The following ELL2 variants were observed in gnomAD, a reference collection of about 807,000 sequenced individuals.
ELL2 encodes elongation factor for RNA polymerase II 2, also known as RNA polymerase II elongation factor ELL2.
A neutral mutation model predicts 72.8 loss-of-function variants in ELL2; 21 were observed. The ratio of observed to expected loss-of-function variants is 0.29; its 90% confidence interval spans 0.20 to 0.42. ELL2 has a LOEUF of 0.42. Among genes scored for constraint, ELL2 ranks in the 10% least tolerant of loss-of-function variants. The probability of loss-of-function intolerance (pLI) is 1.00; values close to 1 mark genes in which losing one functional copy is unlikely to be tolerated. For synonymous variants in ELL2, 266 were observed against 283.2 expected (o/e 0.94, Z 0.61); for missense variants, 568 against 772.8 (o/e 0.73, Z 3.14).
intron 5 of ELL2, among the ~76,000 whole-genome samples, chr5:95,904,505 A>C (rs1749271829): frequency 6.6e-6 from 1 of 152,218 alleles, no homozygotes; most frequent in East Asian, 1.9e-4. Flanking sequence ...TTTAGGTACA[A>C]ATTTTACCGG....
At chr5:95,942,831 T>C (rs967983533) in intron 2 of ELL2, 171 bp downstream of exon 2, 8 of 384,826 alleles carry the variant, frequency 2.1e-5, no homozygotes, top group African/African-American at 1.7e-4. Context: ...AGTAAGTTAA[T>C]AAAATAAGAT....
Position 95,907,296 on chromosome 5 carries a change from A to ATATTTTTTTTTTTTTTTTT in ELL2, c.482-515_482-514insAAAAAAAAAAAAAAAAATA. 7.0e-4 allele frequency among the ~76,000 whole-genome samples: 81 copies of ATATTTTTTTTTTTTTTTTT among 116,432 alleles called. 1 individual carries two copies. The highest frequency in any genetic ancestry group is 3.1e-3 in the African/African-American group (77 of 24,468). The allele number at this position is 116,432 out of a possible 152,430, so 76.4% of individuals were successfully genotyped here. On this transcript the variant is annotated intron_variant, in intron 4 of 11. Coordinates refer to ENST00000237853, the MANE Select transcript of ELL2 (RefSeq NM_012081.6). ...GTTAGTGATATATATATATATATAT[A>ATATTTTTTTTTTTTTTTTT]TTTTTTTTTTTTACAGGCCAAGACA... is the stretch of plus-strand genomic sequence containing the variant.
At chr5:95,959,071 T>C (rs1448297417) in intron 1 of ELL2, among the ~76,000 whole-genome samples, 6 of 152,092 alleles carry the variant, frequency 3.9e-5, no homozygotes, top group Non-Finnish European at 7.4e-5. Flanking sequence ...ATGAAGGCCA[T>C]ACAAAGGTAG....
At chr5:95,961,510 C>A (rs1751852457) in intron 1 of ELL2, 65 bp downstream of exon 1, 1 of 1,379,352 alleles carries the variant, frequency 7.2e-7, no homozygotes, top group Non-Finnish European at 9.4e-7. Flanking sequence ...CGCACCCGGG[C>A]GCGGCCAGGC....
chr5:95,887,628 C>A lies in ELL2; in HGVS notation c.*1243G>T, dbSNP rs1748508298. The stretch of plus-strand genomic sequence containing the variant: ...AAGTGACAGTTTAAATCAATGTCAA[C>A]AGATAAACTCCATGAAATGAAAGTT... On this transcript the variant is annotated 3_prime_UTR_variant, in exon 12 of 12. Transcript: ENST00000237853. 6.6e-6 allele frequency: 1 copy of A among 152,496 alleles called. No homozygotes were observed. The highest frequency in any genetic ancestry group is 1.5e-5 in the Non-Finnish European group (1 of 68,012). 9.4% of individuals were successfully genotyped at this position (152,496 alleles called of 1,614,324 possible). A position where few individuals can be genotyped will look rare whatever the true frequency, so the allele number is the denominator to read the frequency against.
chr5:95,937,750 A>C (rs1456376076), intron 2 of ELL2, among the ~76,000 whole-genome samples: 2 of 152,184 alleles, frequency 1.3e-5, no homozygotes, highest in African/African-American at 4.8e-5. Context: ...TATTAATTAC[A>C]CTCAGAGCCA....
At chr5:95,927,871 G>T (rs1750452594) in intron 2 of ELL2, among the ~76,000 whole-genome samples, 1 of 148,368 alleles carries the variant, frequency 6.7e-6, no homozygotes, top group African/African-American at 2.5e-5. Flanking sequence ...GTGATAATGA[G>T]CACCTTAATG....
rs1347720139 is a variant in ELL2 at position 95,886,071 on chromosome 5, T to TACA, written c.*2797_*2799dup. 4 of 152,300 alleles carry TACA rather than the reference T, an allele frequency of 2.6e-5. No homozygotes were observed. The highest frequency in any genetic ancestry group is 5.9e-5 in the Non-Finnish European group (4 of 68,022). 9.4% of individuals were successfully genotyped at this position (152,300 alleles called of 1,614,324 possible). ...AGATGAAATGTGATAGAAAAAACTA[T>TACA]ACAACTCATTCTCTAATCTTGCTAT... is the stretch of plus-strand genomic sequence containing the variant. On this transcript the variant is annotated 3_prime_UTR_variant, in exon 12 of 12. Transcript: ENST00000237853.
At chr5:95,958,439 G>C (rs1459461051) in intron 1 of ELL2, among the ~76,000 whole-genome samples, 6 of 152,208 alleles carry the variant, frequency 3.9e-5, no homozygotes, top group Admixed American at 2.6e-4. Context: ...AGGACACACA[G>C]GTGGGTGGAG....
At chr5:95,907,294 A>ATTTTTTTTTTTTTTTTTTTTT (rs201354039) in intron 4 of ELL2, among the ~76,000 whole-genome samples, 1 of 79,558 alleles carries the variant, frequency 1.3e-5, no homozygotes, top group Non-Finnish European at 2.3e-5. Context: ...ATATATATAT[A>ATTTTTTTTTTTTTTTTTTTTT]TATTTTTTTT....
intron 9 of ELL2, among the ~76,000 whole-genome samples, chr5:95,892,459 C>T (rs992178432): frequency 8.5e-5 from 13 of 152,158 alleles, no homozygotes; most frequent in African/African-American, 3.1e-4. Flanking sequence ...TTACATATTA[C>T]AGTATTACTT....
At chr5:95,951,681 G>A (rs1184728887) in intron 1 of ELL2, among the ~76,000 whole-genome samples, 1 of 152,080 alleles carries the variant, frequency 6.6e-6, no homozygotes, top group Non-Finnish European at 1.5e-5. Flanking sequence ...ACTTGAAACT[G>A]GGAGACTACT....
chr5:95,940,518 C>G (rs1750932384), intron 2 of ELL2, among the ~76,000 whole-genome samples: 1 of 152,074 alleles, frequency 6.6e-6, no homozygotes, highest in Admixed American at 6.6e-5. Flanking sequence ...ATCAGGGAAA[C>G]AGAAAATGAT....
At chr5:95,944,596 T>G (rs1212567510) in intron 1 of ELL2, among the ~76,000 whole-genome samples, 1 of 152,250 alleles carries the variant, frequency 6.6e-6, no homozygotes, top group African/African-American at 2.4e-5. Context: ...TTTCCACAGC[T>G]AAACTCACTC....
intron 2 of ELL2, among the ~76,000 whole-genome samples, chr5:95,938,740 T>C (rs1196049117): frequency 1.3e-5 from 2 of 152,146 alleles, no homozygotes; most frequent in Non-Finnish European, 2.9e-5. Flanking sequence ...TATTTTATTA[T>C]TTCTAAAAAT....
At chr5:95,901,402 G>A (rs1749135708) in intron 5 of ELL2, among the ~76,000 whole-genome samples, 1 of 152,096 alleles carries the variant, frequency 6.6e-6, no homozygotes, top group Admixed American at 6.5e-5. Flanking sequence ...ATCCAAAACA[G>A]TTGTACAGTA....
At position 95,890,357 on chromosome 5, in the gene ELL2, C is replaced by T. The variant is rs569029258; in HGVS notation, c.1761+746G>A. Among the ~76,000 whole-genome samples, 3 of 152,320 alleles carry T rather than the reference C, an allele frequency of 2.0e-5. No individual in the cohort carries two copies. The East Asian group carries it at 5.8e-4, about 29-fold the overall frequency. On this transcript the variant is annotated intron_variant, in intron 10 of 11. Transcript: ENST00000237853. The stretch of plus-strand genomic sequence containing the variant: ...AAACTCATCCATTGTCTCACGTAGG[C>T]TCCAGCCTGAACACTGGTAGTGGGC...
chr5:95,935,479 TTAAA>T (rs532577925), intron 2 of ELL2, among the ~76,000 whole-genome samples: 4 of 152,328 alleles, frequency 2.6e-5, no homozygotes, highest in African/African-American at 9.6e-5. Flanking sequence ...AAATTACTCT[TTAAA>T]TAGGGCTTCA....
chr5:95,953,186 C>A (rs960388597), intron 1 of ELL2, among the ~76,000 whole-genome samples: 8 of 152,166 alleles, frequency 5.3e-5, no homozygotes, highest in African/African-American at 1.9e-4. Flanking sequence ...ACTAAAATGA[C>A]AAGCACTTTC....
Sources: allele counts gnomAD v4.1 joint callset (sites outside exome capture counted in the v4.1 genomes callset), GRCh38; gene constraint gnomAD v4.1.1; transcripts MANE v1.5; gene names NCBI Gene and HGNC (gene_info 2026-07-23, HGNC 2026-07-21).